Variants in ZNF676 observed in about 807,000 individuals in gnomAD.
ZNF676 encodes the protein zinc finger protein 676.
In ZNF676, 4 loss-of-function variants were observed where a neutral mutation model predicts 6.0. The ratio of observed to expected loss-of-function variants is 0.67; its 90% CI spans 0.33 to 1.53. The LOEUF is 1.53. Ranked by LOEUF, ZNF676 falls within the 40% of genes most tolerant of loss-of-function variation. The pLI is 0.06. For missense variants in ZNF676, 644 were observed against 679.7 expected, an observed-to-expected ratio of 0.95 and a Z score of 0.58; for synonymous variants, 198 against 223.1, an observed-to-expected ratio of 0.89 and a Z score of 1.00.
At chr19:22,233,248 A>G in the ZNF676 span, among the ~76,000 whole-genome samples, 8 of 152,292 alleles carry the variant, frequency 5.3e-5, no homozygotes, top group South Asian at 1.7e-3. Flanking sequence ...GGCTCAAGTG[A>G]TCCACCCATC....
intron 1 of ZNF676, among the ~76,000 whole-genome samples, chr19:22,213,108 G>C (rs1327899264): frequency 6.6e-6 from 1 of 152,146 alleles, no homozygotes; most frequent in East Asian, 1.9e-4. Flanking sequence ...TCCAATTACT[G>C]AGAGATTCAG....
At position 22,179,764 on chromosome 19, in the gene ZNF676, T is replaced by A. The variant is rs1466173462; in HGVS notation, c.*186A>T. 3 of 813,902 alleles carry A rather than the reference T, an allele frequency of 3.7e-6. No homozygotes were observed. Among genetic ancestry groups the A allele is most frequent in the Non-Finnish European group, 6.3e-6 (3 of 475,500 alleles). 50.4% of individuals were successfully genotyped at this position (813,902 alleles called of 1,614,324 possible). On this transcript the variant is annotated 3_prime_UTR_variant, in exon 3 of 3. Transcript: ENST00000397121. Reference sequence around the variant, plus strand: ...AAGGTTTGAGGACCGGTTGAAGCCTTTGTCACATTCTTCACGTTTGTAGTG... The same window carrying A: ...AAGGTTTGAGGACCGGTTGAAGCCTATGTCACATTCTTCACGTTTGTAGTG...
the ZNF676 span, among the ~76,000 whole-genome samples, chr19:22,229,224 A>C: frequency 6.6e-6 from 1 of 152,218 alleles, no homozygotes; most frequent in Non-Finnish European, 1.5e-5. Context: ...GATCTTTGAC[A>C]AACCTGACAA....
intron 1 of ZNF676, among the ~76,000 whole-genome samples, chr19:22,208,176 G>C (rs967679501): frequency 2.0e-5 from 3 of 150,936 alleles, no homozygotes; most frequent in Middle Eastern, 3.4e-3. Context: ...CAAAATAATA[G>C]GAAATATTTG....
chr19:22,217,317 C>G (rs1194107594), upstream of ZNF676, among the ~76,000 whole-genome samples: 5 of 152,222 alleles, frequency 3.3e-5, no homozygotes, highest in Non-Finnish European at 7.3e-5. Context: ...ATGCTCCTGC[C>G]TCAGCCTTCC....
At chr19:22,183,627 G>A (rs1365587145) in intron 2 of ZNF676, among the ~76,000 whole-genome samples, 3 of 152,138 alleles carry the variant, frequency 2.0e-5, no homozygotes, top group Non-Finnish European at 2.9e-5. Flanking sequence ...GGCACGAGCC[G>A]CCATGCCCAG....
the ZNF676 span, among the ~76,000 whole-genome samples, chr19:22,256,118 T>C: frequency 6.6e-6 from 1 of 152,178 alleles, no homozygotes; most frequent in African/African-American, 2.4e-5. Context: ...GGTAATCCCC[T>C]CTGACCTTCA....
At chr19:22,242,836 C>T in the ZNF676 span, among the ~76,000 whole-genome samples, 2 of 142,422 alleles carry the variant, frequency 1.4e-5, no homozygotes, top group African/African-American at 3.1e-5. Context: ...GTTGCAATTA[C>T]CCAAGTTGGG....
the ZNF676 span, among the ~76,000 whole-genome samples, chr19:22,228,048 C>CA: frequency 1.3e-5 from 2 of 151,950 alleles, no homozygotes; most frequent in Admixed American, 6.6e-5. Flanking sequence ...AGAGACACAA[C>CA]AAAAAAAGAA....
chr19:22,233,706 C>A, the ZNF676 span, among the ~76,000 whole-genome samples: 1 of 152,222 alleles, frequency 6.6e-6, no homozygotes, highest in African/African-American at 2.4e-5. Flanking sequence ...CAAAGTATAC[C>A]ACCATTTCAT....
At chr19:22,248,459 CATGT>C in the ZNF676 span, among the ~76,000 whole-genome samples, 1 of 152,144 alleles carries the variant, frequency 6.6e-6, no homozygotes, top group African/African-American at 2.4e-5. Context: ...ACGTTGTGCA[CATGT>C]ACCCTAGAAC....
At chr19:22,237,209 C>T in the ZNF676 span, among the ~76,000 whole-genome samples, 11 of 152,214 alleles carry the variant, frequency 7.2e-5, no homozygotes. Context: ...GGGCATCAGG[C>T]ATTTCCAGCT....
chr19:22,194,613 G>A (rs2023947795), intron 1 of ZNF676, among the ~76,000 whole-genome samples: 1 of 152,060 alleles, frequency 6.6e-6, no homozygotes, highest in South Asian at 2.1e-4. Flanking sequence ...ACCCCGAGCA[G>A]AAAAAACACC....
chr19:22,195,572 G>A (rs767885353), intron 1 of ZNF676, among the ~76,000 whole-genome samples: 6 of 152,158 alleles, frequency 3.9e-5, no homozygotes, highest in Non-Finnish European at 7.3e-5. Flanking sequence ...GTGGAGAACT[G>A]GATGCAGAGG....
intron 2 of ZNF676, among the ~76,000 whole-genome samples, chr19:22,184,214 G>A (rs571463228): frequency 7.2e-5 from 11 of 152,234 alleles, no homozygotes; most frequent in South Asian, 4.1e-4. Context: ...AGGGTGAGCC[G>A]AAGTGGGGTG....
At chr19:22,251,586 G>A in the ZNF676 span, among the ~76,000 whole-genome samples, 22 of 152,012 alleles carry the variant, frequency 1.4e-4, no homozygotes, top group African/African-American at 4.8e-4. Flanking sequence ...TCAGGGGTTC[G>A]AGACCAGCCT....
the ZNF676 span, among the ~76,000 whole-genome samples, chr19:22,239,703 G>A: frequency 6.6e-6 from 1 of 152,178 alleles, no homozygotes; most frequent in Non-Finnish European, 1.5e-5. Flanking sequence ...AGCTCAGGCA[G>A]GAGAGTCACA....
chr19:22,189,023 C>CA (rs56866226), intron 2 of ZNF676, among the ~76,000 whole-genome samples: 54,126 of 149,872 alleles, frequency 0.36, 9,709 homozygotes, highest in South Asian at 0.42. Flanking sequence ...CATATGGAAC[C>CA]AAAAAAAAAA....
intron 1 of ZNF676, among the ~76,000 whole-genome samples, chr19:22,194,639 C>A (rs964229396): frequency 6.6e-6 from 1 of 152,110 alleles, no homozygotes; most frequent in African/African-American, 2.4e-5. Flanking sequence ...TCTGTCCTCG[C>A]TGTAACAAAG....
Sources: gnomAD v4.1 joint callset for allele counts (sites outside exome capture counted in the v4.1 genomes callset) on GRCh38, gnomAD v4.1.1 for gene constraint, MANE v1.5 for transcripts, NCBI Gene and HGNC (gene_info 2026-07-23, HGNC 2026-07-21) for gene names.